Variants in SCAPER observed in about 807,000 individuals in gnomAD.
SCAPER encodes the protein S phase cyclin A-associated protein in the endoplasmic reticulum.
In SCAPER, 98 loss-of-function variants were observed where a neutral mutation model predicts 182.2. The ratio of observed to expected loss-of-function variants is 0.54; its 90% CI spans 0.46 to 0.64. The LOEUF (loss-of-function observed/expected upper bound fraction) is 0.64, where lower values mean the gene tolerates loss of function less well. SCAPER is among the 30% of genes least tolerant of loss of function. SCAPER has a pLI of 0.00. For missense variants in SCAPER, 1,432 were observed against 1,690.0 expected (o/e 0.85, Z 2.68); for synonymous variants, 605 against 564.6 (o/e 1.07, Z -1.01).
At chr15:76,601,979 T>C (rs1436468572) in intron 22 of SCAPER, among the ~76,000 whole-genome samples, 1 of 120,966 alleles carries the variant, frequency 8.3e-6, no homozygotes, top group Non-Finnish European at 2.0e-5. Flanking sequence ...TCCATATCCA[T>C]GAGTTTTATA....
intron 1 of SCAPER, among the ~76,000 whole-genome samples, chr15:76,887,357 TCAC>T (rs1038300963): frequency 3.9e-5 from 6 of 152,148 alleles, no homozygotes; most frequent in African/African-American, 1.4e-4. Context: ...GGGCATCGCC[TCAC>T]CAGGGAAGCA....
intron 18 of SCAPER, among the ~76,000 whole-genome samples, chr15:76,704,934 T>C (rs1460077237): frequency 2.6e-5 from 4 of 152,128 alleles, no homozygotes; most frequent in African/African-American, 9.7e-5. Context: ...AGGAACACTT[T>C]TACACTGTTG....
intron 20 of SCAPER, among the ~76,000 whole-genome samples, chr15:76,677,085 C>A (rs879628892): frequency 3.3e-5 from 5 of 152,032 alleles, no homozygotes; most frequent in Non-Finnish European, 7.4e-5. Context: ...CAAAGATATA[C>A]CCTGTGAGAC....
intron 21 of SCAPER, among the ~76,000 whole-genome samples, chr15:76,640,963 T>C (rs543779464): frequency 1.3e-5 from 2 of 152,168 alleles, no homozygotes; most frequent in Admixed American, 6.5e-5. Flanking sequence ...GGGAATGGAA[T>C]GTGACCCTTG....
At chr15:76,563,419 T>G (rs575625477) in intron 23 of SCAPER, among the ~76,000 whole-genome samples, 6 of 152,130 alleles carry the variant, frequency 3.9e-5, no homozygotes, top group Non-Finnish European at 8.8e-5. Flanking sequence ...CTAGAAAATC[T>G]AGAAGTGGAT....
intron 22 of SCAPER, among the ~76,000 whole-genome samples, chr15:76,587,944 C>CA (rs763122479): frequency 1.1e-4 from 16 of 149,666 alleles, no homozygotes; most frequent in Admixed American, 2.0e-4. Context: ...TTTTTTAAGA[C>CA]AGAGTCTTGC....
chr15:76,551,218 A>T (rs2045743111), intron 23 of SCAPER, among the ~76,000 whole-genome samples: 1 of 152,198 alleles, frequency 6.6e-6, no homozygotes, highest in Non-Finnish European at 1.5e-5. Flanking sequence ...CTACTTATCC[A>T]AAGGAAATGA....
At chr15:76,700,306 C>A (rs1281945787) in intron 20 of SCAPER, among the ~76,000 whole-genome samples, 1 of 152,178 alleles carries the variant, frequency 6.6e-6, no homozygotes, top group Non-Finnish European at 1.5e-5. Flanking sequence ...GTGTCAAACC[C>A]TCTGGACTCT....
At chr15:76,597,682 C>CA (rs2049612538) in intron 22 of SCAPER, among the ~76,000 whole-genome samples, 1 of 120,050 alleles carries the variant, frequency 8.3e-6, no homozygotes, top group Non-Finnish European at 2.0e-5. Context: ...ACAAACCTGA[C>CA]AAAAACAAGA....
At chr15:76,743,799 C>A (rs576105173) in intron 15 of SCAPER, among the ~76,000 whole-genome samples, 1 of 152,072 alleles carries the variant, frequency 6.6e-6, no homozygotes, top group Non-Finnish European at 1.5e-5. Context: ...TTCTAAAATT[C>A]GTATGGAACC....
At chr15:76,465,327 C>CT (rs1273967964) in intron 25 of SCAPER, among the ~76,000 whole-genome samples, 1 of 152,046 alleles carries the variant, frequency 6.6e-6, no homozygotes, top group Non-Finnish European at 1.5e-5. Flanking sequence ...TCTGGGGCAT[C>CT]TTTTATAAGG....
chr15:76,643,406 G>C (rs1387495952), intron 21 of SCAPER, among the ~76,000 whole-genome samples: 1 of 152,170 alleles, frequency 6.6e-6, no homozygotes, highest in Non-Finnish European at 1.5e-5. Context: ...TTCTGGCCAG[G>C]CATGGTGGCT....
chr15:76,758,147 A>C (rs753387037), intron 14 of SCAPER, among the ~76,000 whole-genome samples: 1 of 152,036 alleles, frequency 6.6e-6, no homozygotes, highest in African/African-American at 2.4e-5. Flanking sequence ...TTTCTGTCAT[A>C]TTCAAAAAAT....
chr15:76,530,665 GGAAATGAGA>G (rs1844960661), intron 23 of SCAPER, among the ~76,000 whole-genome samples: 1 of 152,052 alleles, frequency 6.6e-6, no homozygotes, highest in Non-Finnish European at 1.5e-5. Context: ...TTTGCACCAG[GGAAATGAGA>G]GAACATCTGT....
At chr15:76,540,331 G>A (rs1038469229) in intron 23 of SCAPER, among the ~76,000 whole-genome samples, 1 of 151,914 alleles carries the variant, frequency 6.6e-6, no homozygotes, top group Admixed American at 6.6e-5. Flanking sequence ...GAGCCCAGGA[G>A]TTCAAGGCTG....
At chr15:76,651,461 G>A (rs886996975) in intron 21 of SCAPER, among the ~76,000 whole-genome samples, 9 of 151,830 alleles carry the variant, frequency 5.9e-5, no homozygotes, top group African/African-American at 2.2e-4. Flanking sequence ...TGGAATAGGA[G>A]TAGTGAGAGT....
intron 22 of SCAPER, among the ~76,000 whole-genome samples, 160 bp downstream of exon 22, chr15:76,621,603 TC>T (rs1407375755): frequency 6.6e-6 from 1 of 152,170 alleles, no homozygotes; most frequent in Non-Finnish European, 1.5e-5. Flanking sequence ...CCAAATATCC[TC>T]AGCCAACTCT....
chr15:76,417,019 C>T (rs968649391), intron 26 of SCAPER, among the ~76,000 whole-genome samples: 2 of 152,040 alleles, frequency 1.3e-5, no homozygotes, highest in African/African-American at 4.8e-5. Flanking sequence ...GAGCTATGAT[C>T]ATGCCACTGC....
In SCAPER at chr15:76,862,425, C is replaced by G; in HGVS notation, c.115G>C (p.Asp39His). ...TTTTTTAAATACATACCATCATCATCTTTGCTTTCTAGTGGAACACTCCAA... is the reference window on the plus strand; with the variant it reads ...TTTTTTAAATACATACCATCATCATGTTTGCTTTCTAGTGGAACACTCCAA... ...IAWSVPLESK[D>H]DDGKPKCQTG... The change falls in exon 3 of 32, where the codon GAT (aspartate) becomes CAT (histidine). Residue 39 changes from aspartate (D) to histidine (H), a missense_variant. Around this residue, in one of 5 missense-constraint regions of SCAPER, gnomAD observed 480 missense variants for 510.2 expected, o/e 0.94. Coordinates refer to ENST00000563290, the MANE Select transcript of SCAPER (RefSeq NM_020843.4). 1 of 1,600,404 alleles carries G rather than the reference C, an allele frequency of 6.2e-7. No individual in the cohort carries two copies. The highest frequency in any genetic ancestry group is 1.1e-5 in the South Asian group (1 of 90,484).
Sources: allele counts gnomAD v4.1 joint callset (sites outside exome capture counted in the v4.1 genomes callset), GRCh38; gene constraint gnomAD v4.1.1; regional missense constraint gnomAD v4.1.1; transcripts MANE v1.5; gene names NCBI Gene and HGNC (gene_info 2026-07-23, HGNC 2026-07-21).